PTAFR: variants seen among roughly 807,000 people sequenced by gnomAD.
PTAFR encodes the protein platelet activating factor receptor.
A neutral mutation model predicts 14.7 loss-of-function variants in PTAFR; 8 were observed. The observed-to-expected ratio is 0.54, with a 90% CI of 0.32 to 0.98. PTAFR has a LOEUF of 0.98. Ranked by LOEUF, PTAFR falls within the 50% of genes least tolerant of loss-of-function variation. The pLI, the probability that PTAFR is intolerant of heterozygous loss-of-function variation, is 0.04. For synonymous variants in PTAFR, 156 were observed against 176.5 expected, an observed-to-expected ratio of 0.88 and a Z score of 0.92; for missense variants, 337 against 451.2, an observed-to-expected ratio of 0.75 and a Z score of 2.29.
At position 28,148,151 on chromosome 1, in the gene PTAFR, C is replaced by A. The variant is rs1646136791; in HGVS notation, c.*1842G>T. Reference sequence around the variant, plus strand: ...AACCAGAGAAGTTTCCTCTGAGCCCCTTGGGTCTGAGGCTGCCAGGTTCAC... The same window carrying A: ...AACCAGAGAAGTTTCCTCTGAGCCCATTGGGTCTGAGGCTGCCAGGTTCAC... On this transcript the variant is annotated 3_prime_UTR_variant, in exon 2 of 2. Coordinates refer to ENST00000373857, the MANE Select transcript of PTAFR (RefSeq NM_000952.5). 1 of 152,196 alleles carries A rather than the reference C, an allele frequency of 6.6e-6. No individual in the cohort carries two copies. Among genetic ancestry groups the A allele is most frequent in the African/African-American group, 2.4e-5 (1 of 41,440 alleles). 9.4% of individuals were successfully genotyped at this position (152,196 alleles called of 1,614,324 possible).
Position 28,175,369 on chromosome 1 carries a change from C to T in PTAFR, c.-39+1223G>A, listed in dbSNP as rs760328805. Among the ~76,000 whole-genome samples the T allele has an allele frequency of 1.2e-4, 18 of 152,136 alleles. 1 individual carries two copies. The Middle Eastern group carries it at 0.014, about 115-fold the overall frequency. Reference sequence around the variant, plus strand: ...CATCTAAGGGGCTGAACTCTTTCTCCGGCGGTTTGTCAGCACCTAAAGATA... The same window carrying T: ...CATCTAAGGGGCTGAACTCTTTCTCTGGCGGTTTGTCAGCACCTAAAGATA... On this transcript the variant is annotated intron_variant, in intron 1 of 1. Transcript: ENST00000373857.
At chr1:28,171,107 G>A (rs185747326) in intron 1 of PTAFR, among the ~76,000 whole-genome samples, 85 of 152,268 alleles carry the variant, frequency 5.6e-4, no homozygotes, top group African/African-American at 1.9e-3. Flanking sequence ...CAGATCACCT[G>A]AGGTCAGGAG....
At chr1:28,184,241 C>CA (rs1203902137) in intron 1 of PTAFR, among the ~76,000 whole-genome samples, 1 of 151,820 alleles carries the variant, frequency 6.6e-6, no homozygotes, top group Non-Finnish European at 1.5e-5. Context: ...TACAGGTGTG[C>CA]ACCACCACGC....
intron 1 of PTAFR, among the ~76,000 whole-genome samples, chr1:28,151,982 T>C (rs892529513): frequency 6.6e-6 from 1 of 152,152 alleles, no homozygotes; most frequent in Non-Finnish European, 1.5e-5. Flanking sequence ...AACCTCAACC[T>C]CTTGGGCTCA....
chr1:28,185,701 A>G (rs1005799359), intron 1 of PTAFR, among the ~76,000 whole-genome samples: 50 of 136,590 alleles, frequency 3.7e-4, no homozygotes, highest in African/African-American at 1.4e-3. Flanking sequence ...AGACCAAAGG[A>G]AAAAAAGGTT....
chr1:28,190,924 C>T (rs1646647164), intron 1 of PTAFR, among the ~76,000 whole-genome samples: 1 of 152,212 alleles, frequency 6.6e-6, no homozygotes, highest in Non-Finnish European at 1.5e-5. Context: ...CCTGGGCCTC[C>T]CTGAGCCTCA....
At position 28,185,125 on chromosome 1, in the gene PTAFR, T is replaced by G. The variant is rs183463289; in HGVS notation, c.-39+8597A>C. On this transcript the variant is annotated intron_variant, in intron 1 of 1. Coordinates refer to the PTAFR transcript ENST00000305392. The stretch of plus-strand genomic sequence containing the variant: ...GCTTTCCTTTTCTCCACAGCACATA[T>G]CACATCTAATACAACATGTATTTTA... Among the ~76,000 whole-genome samples, 4 of 152,314 alleles carry G rather than the reference T, an allele frequency of 2.6e-5. No individual in the cohort carries two copies. In the East Asian group the frequency reaches 7.7e-4, roughly 29 times the overall value.
chr1:28,192,330 C>T (rs957398082), intron 1 of PTAFR, among the ~76,000 whole-genome samples: 34 of 152,094 alleles, frequency 2.2e-4, no homozygotes, highest in Non-Finnish European at 2.8e-4. Context: ...GAGACCGAGG[C>T]GGGTGGATCA....
chr1:28,151,148 G>C (rs1646182224), intron 1 of PTAFR, 89 bp from the exon 2 acceptor site: 1 of 709,868 alleles, frequency 1.4e-6, no homozygotes, highest in African/African-American at 1.8e-5. Context: ...GCCATGGTTA[G>C]AATGATGATG....
chr1:28,171,895 C>T (rs143950452), intron 1 of PTAFR, among the ~76,000 whole-genome samples: 2 of 152,194 alleles, frequency 1.3e-5, no homozygotes, highest in Admixed American at 6.5e-5. Context: ...TTGTGAGTTA[C>T]CCTATCCAAT....
At chr1:28,168,353 C>T (rs914909492) in intron 1 of PTAFR, among the ~76,000 whole-genome samples, 1 of 152,138 alleles carries the variant, frequency 6.6e-6, no homozygotes, top group Non-Finnish European at 1.5e-5. Context: ...AAACACCTAA[C>T]ATGTCCATGG....
intron 1 of PTAFR, among the ~76,000 whole-genome samples, chr1:28,169,306 A>T (rs1350032987): frequency 6.6e-6 from 1 of 152,170 alleles, no homozygotes; most frequent in Non-Finnish European, 1.5e-5. Flanking sequence ...AAAAAAAAAA[A>T]AAAAATCAAT....
intron 1 of PTAFR, among the ~76,000 whole-genome samples, chr1:28,167,324 C>T (rs932814662): frequency 2.0e-5 from 3 of 152,092 alleles, no homozygotes; most frequent in South Asian, 2.1e-4. Context: ...TCTCCAAAGA[C>T]GATATACCAA....
At chr1:28,190,718 A>G (rs1646645149) in intron 1 of PTAFR, among the ~76,000 whole-genome samples, 1 of 152,166 alleles carries the variant, frequency 6.6e-6, no homozygotes, top group Non-Finnish European at 1.5e-5. Flanking sequence ...GGTCTCTGAG[A>G]GCCCAAAAGT....
chr1:28,165,380 G>C (rs1282072250), intron 1 of PTAFR, among the ~76,000 whole-genome samples: 2 of 135,708 alleles, frequency 1.5e-5, no homozygotes, highest in Admixed American at 1.5e-4. Context: ...CTCCAGCCTG[G>C]GCGACAGAGC....
Position 28,150,131 on chromosome 1 carries a change from G to A in PTAFR, c.891C>T (p.Thr297=). The A allele has an allele frequency of 6.2e-7, 1 of 1,614,146 alleles. No homozygotes were observed. Among genetic ancestry groups the A allele is most frequent in the Non-Finnish European group, 8.5e-7 (1 of 1,180,034 alleles). The change falls in exon 2 of 2, where the codon ACC becomes ACT. Residue 297 remains threonine, a synonymous_variant. Coordinates refer to ENST00000373857, the MANE Select transcript of PTAFR (RefSeq NM_000952.5). This position sits in a 1 kb window ranked among gnomAD's most constrained non-coding sequence, Gnocchi z 6.3. ...CGGTGAGGTGCTTGCGGAACTTCTT[G>A]GTGAGGAAACAGTAGATAACAGGGT... The part of the protein sequence containing the change: ...VLDPVIYCFL[T]KKFRKHLTEK...
At chr1:28,151,093 G>C in intron 1 of PTAFR, 34 bp from the exon 2 acceptor site, 1 of 1,153,864 alleles carries the variant, frequency 8.7e-7, no homozygotes, top group African/African-American at 1.5e-5. Flanking sequence ...GGTTAATAAA[G>C]GGACAAGAAG....
chr1:28,158,236 C>T (rs551921579), intron 1 of PTAFR, among the ~76,000 whole-genome samples: 48 of 152,256 alleles, frequency 3.2e-4, no homozygotes, highest in East Asian at 1.9e-4. Context: ...GACCTCCTGC[C>T]TATGCTGAAG....
chr1:28,183,139 T>A (rs932414466), intron 1 of PTAFR, among the ~76,000 whole-genome samples: 2 of 152,196 alleles, frequency 1.3e-5, no homozygotes, highest in Non-Finnish European at 2.9e-5. Context: ...TGGATAATTG[T>A]GTCTTGGGAT....
Sources: allele counts gnomAD v4.1 joint callset (sites outside exome capture counted in the v4.1 genomes callset), GRCh38; gene constraint gnomAD v4.1.1; non-coding constraint Gnocchi (gnomAD v3.1); transcripts MANE v1.5; gene names NCBI Gene and HGNC (gene_info 2026-07-23, HGNC 2026-07-21).